CACNA1E: variants seen among roughly 807,000 people sequenced by gnomAD.
CACNA1E encodes calcium voltage-gated channel subunit alpha1 E.
CACNA1E carries 40 observed loss-of-function variants against 259.2 expected under a neutral mutation model. The observed-to-expected ratio is 0.15, with a 90% CI of 0.12 to 0.20. CACNA1E has a LOEUF of 0.20. CACNA1E is among the 10% of genes least tolerant of loss of function. CACNA1E has a pLI of 1.00. For synonymous variants in CACNA1E, 1,104 were observed against 1,138.5 expected (o/e 0.97, Z 0.61); for missense variants, 1,874 against 3,040.1 (o/e 0.62, Z 9.02).
At chr1:181,696,247 A>T (rs534939237) in intron 7 of CACNA1E, among the ~76,000 whole-genome samples, 1 of 151,466 alleles carries the variant, frequency 6.6e-6, no homozygotes, top group South Asian at 2.1e-4. Context: ...GGAGATTTCC[A>T]TCACTTTTTT....
At chr1:181,467,060 C>T (rs1295501720) in intron 2 of CACNA1E, among the ~76,000 whole-genome samples, 8 of 152,186 alleles carry the variant, frequency 5.3e-5, no homozygotes, top group South Asian at 2.1e-4. Flanking sequence ...TCAGATGGTA[C>T]GTGAGTGCTT....
intron 1 of CACNA1E, among the ~76,000 whole-genome samples, chr1:181,366,036 T>C (rs1654244847): frequency 6.6e-6 from 1 of 152,158 alleles, no homozygotes; most frequent in East Asian, 1.9e-4. Flanking sequence ...GTTCTGTTAC[T>C]CTGACTCTAC....
intron 2 of CACNA1E, among the ~76,000 whole-genome samples, chr1:181,475,076 A>T (rs1422766552): frequency 6.6e-6 from 1 of 152,204 alleles, no homozygotes; most frequent in Non-Finnish European, 1.5e-5. Flanking sequence ...GTGTTAGGGG[A>T]AGGGTAGCTC....
intron 1 of CACNA1E, among the ~76,000 whole-genome samples, chr1:181,389,298 T>C (rs1230595085): frequency 6.6e-6 from 1 of 152,180 alleles, no homozygotes; most frequent in Non-Finnish European, 1.5e-5. Flanking sequence ...ATCATGGCAC[T>C]AAATAGACCA....
At chr1:181,514,645 C>T (rs973488452) in intron 3 of CACNA1E, among the ~76,000 whole-genome samples, 6 of 152,070 alleles carry the variant, frequency 3.9e-5, no homozygotes. Context: ...GGAGGAATGA[C>T]AGGTGCTGGA....
intron 1 of CACNA1E, among the ~76,000 whole-genome samples, chr1:181,358,727 C>G (rs1292505952): frequency 6.6e-6 from 1 of 152,154 alleles, no homozygotes; most frequent in Non-Finnish European, 1.5e-5. Flanking sequence ...AATGAACTAT[C>G]ATTCCCCATC....
intron 3 of CACNA1E, among the ~76,000 whole-genome samples, chr1:181,514,997 T>C (rs1227788584): frequency 6.6e-6 from 1 of 152,142 alleles, no homozygotes; most frequent in Admixed American, 6.5e-5. Context: ...AGAGGGCACA[T>C]GAATTGCTAG....
intron 1 of CACNA1E, among the ~76,000 whole-genome samples, chr1:181,354,680 G>A (rs1310987614): frequency 1.3e-5 from 2 of 152,198 alleles, no homozygotes; most frequent in Non-Finnish European, 2.9e-5. Context: ...CACCCGCAGA[G>A]TAGTTTTCAT....
chr1:181,787,348 G>A lies in CACNA1E; in HGVS notation c.5786+1529G>A, dbSNP rs548271571. Among the ~76,000 whole-genome samples the A allele has an allele frequency of 4.2e-3, 632 of 152,232 alleles. 5 individuals are homozygous for A. The highest frequency in any genetic ancestry group is 0.015 in the African/African-American group (608 of 41,550). On this transcript the variant is annotated intron_variant, in intron 43 of 47. Transcript: ENST00000367573. ...GATGGTCTCGATCTCCTGCCCTCATGATCCGCCTGCCTTGGCCTCCCAAAG... is the reference window on the plus strand; with the variant it reads ...GATGGTCTCGATCTCCTGCCCTCATAATCCGCCTGCCTTGGCCTCCCAAAG...
chr1:181,790,804 A>G (rs1234476027), intron 44 of CACNA1E, among the ~76,000 whole-genome samples: 3 of 151,494 alleles, frequency 2.0e-5, no homozygotes, highest in Admixed American at 6.6e-5. Flanking sequence ...GCTTTAGGCC[A>G]AGCCCTCTTA....
intron 3 of CACNA1E, among the ~76,000 whole-genome samples, chr1:181,556,191 A>C (rs1648701467): frequency 6.6e-6 from 1 of 152,144 alleles, no homozygotes; most frequent in Non-Finnish European, 1.5e-5. Context: ...AGAGTAGCCC[A>C]GGGCATCTTC....
chr1:181,606,424 A>G (rs1025709590), intron 6 of CACNA1E, among the ~76,000 whole-genome samples: 3 of 152,062 alleles, frequency 2.0e-5, no homozygotes, highest in Non-Finnish European at 4.4e-5. Context: ...GGTCGTATGG[A>G]TGCTACCTCC....
intron 6 of CACNA1E, among the ~76,000 whole-genome samples, chr1:181,628,891 T>G (rs993360919): frequency 2.0e-5 from 3 of 152,232 alleles, no homozygotes; most frequent in African/African-American, 7.2e-5. Context: ...TAGTGCTTCT[T>G]TCTTGATTTT....
At chr1:181,530,821 G>A (rs1463628200) in intron 3 of CACNA1E, among the ~76,000 whole-genome samples, 2 of 152,192 alleles carry the variant, frequency 1.3e-5, no homozygotes, top group Admixed American at 1.3e-4. Context: ...AAATTTGATG[G>A]TGTTCCCAGG....
chr1:181,503,938 A>G (rs1046635809), intron 1 of CACNA1E, among the ~76,000 whole-genome samples: 1 of 152,202 alleles, frequency 6.6e-6, no homozygotes, highest in African/African-American at 2.4e-5. Flanking sequence ...GAAGGCTTGG[A>G]TAGCTGTATT....
Position 181,485,255 on chromosome 1 carries a change from T to A in CACNA1E, c.266+1245T>A, listed in dbSNP as rs889456416. On this transcript the variant is annotated intron_variant, in intron 1 of 47. Transcript: ENST00000367573. The surrounding 1 kb of genome is among the most constrained non-coding windows in gnomAD (Gnocchi z 4.2). ...TGTGCAGCAGTGAGGCAGCTGGAGC[T>A]GCCTTGGGTCTCTAGTATTAGCCAG... 1.3e-5 allele frequency among the ~76,000 whole-genome samples: 2 copies of A among 152,166 alleles called. No homozygotes were observed. Among genetic ancestry groups the A allele is most frequent in the African/African-American group, 4.8e-5 (2 of 41,432 alleles).
At chr1:181,432,961 G>C (rs1476332326) in intron 2 of CACNA1E, among the ~76,000 whole-genome samples, 2 of 152,174 alleles carry the variant, frequency 1.3e-5, no homozygotes, top group Non-Finnish European at 2.9e-5. Context: ...AAATTATTGA[G>C]AAAGTATTTT....
At chr1:181,432,697 C>T (rs1659805429) in intron 2 of CACNA1E, among the ~76,000 whole-genome samples, 1 of 152,046 alleles carries the variant, frequency 6.6e-6, no homozygotes, top group African/African-American at 2.4e-5. Flanking sequence ...TTTTGGTCTC[C>T]CCTCTCTCAC....
rs531610336 is a variant in CACNA1E at position 181,745,967 on chromosome 1, C to T, written c.3720-4509C>T. ...CAAAGGAGAAAGCTTGCAAAAGGCT[C>T]TCGGGAGTGTGTGTGAGGAGCTCGT... On this transcript the variant is annotated intron_variant, in intron 25 of 47. Coordinates refer to ENST00000367573, the MANE Select transcript of CACNA1E (RefSeq NM_001205293.3). 2.0e-5 allele frequency among the ~76,000 whole-genome samples: 3 copies of T among 152,248 alleles called. No individual in the cohort carries two copies. In the East Asian group the frequency reaches 5.8e-4, roughly 29 times the overall value.
Sources: allele counts gnomAD v4.1 joint callset (sites outside exome capture counted in the v4.1 genomes callset), GRCh38; gene constraint gnomAD v4.1.1; non-coding constraint Gnocchi (gnomAD v3.1); transcripts MANE v1.5; gene names NCBI Gene and HGNC (gene_info 2026-07-23, HGNC 2026-07-21).